The following CCDC6 variants were observed in gnomAD, a reference collection of about 807,000 sequenced individuals.
CCDC6 encodes the protein coiled-coil domain containing 6.
A neutral mutation model predicts 56.6 loss-of-function variants in CCDC6; 20 were observed. That is an observed-to-expected ratio of 0.35 (90% confidence interval 0.25 to 0.51). The LOEUF (loss-of-function observed/expected upper bound fraction) is 0.51, where lower values mean the gene tolerates loss of function less well. Ranked by LOEUF, CCDC6 falls within the 20% of genes least tolerant of loss-of-function variation. The probability of loss-of-function intolerance (pLI) is 0.95; values close to 1 mark genes in which losing one functional copy is unlikely to be tolerated. For missense variants in CCDC6, 367 were observed against 601.1 expected (o/e 0.61, Z 4.07); for synonymous variants, 241 against 234.4 (o/e 1.03, Z -0.26).
At chr10:59,859,823 G>A (rs1416626125) in intron 1 of CCDC6, among the ~76,000 whole-genome samples, 2 of 152,120 alleles carry the variant, frequency 1.3e-5, no homozygotes, top group Non-Finnish European at 2.9e-5. Flanking sequence ...CCACCTCTTT[G>A]GGAGGCTGAG....
chr10:59,830,081 CTACTGATCTAACAAAG>C (rs2070823140), intron 3 of CCDC6, among the ~76,000 whole-genome samples: 1 of 152,198 alleles, frequency 6.6e-6, no homozygotes, highest in Non-Finnish European at 1.5e-5. Flanking sequence ...CCTACACTTA[CTACTGATCTAACAAAG>C]CAGTGGGACA....
intron 1 of CCDC6, among the ~76,000 whole-genome samples, chr10:59,888,410 T>C (rs2071398381): frequency 6.6e-6 from 1 of 152,180 alleles, no homozygotes; most frequent in South Asian, 2.1e-4. Context: ...TGCTTCGTCA[T>C]GGGGGCTGGG....
Position 59,814,762 on chromosome 10 carries a change from G to C in CCDC6, c.583-7C>G. ...CAATCTTCTCCCGTCTCAACTAAAGGAAGGAAAAAAGTGTTACCAAAGTGT... is the reference window on the plus strand; with the variant it reads ...CAATCTTCTCCCGTCTCAACTAAAGCAAGGAAAAAAGTGTTACCAAAGTGT... On this transcript the variant is annotated splice_region_variant and splice_polypyrimidine_tract_variant and intron_variant, in intron 3 of 8. Transcript: ENST00000263102. 6.3e-7 allele frequency: 1 copy of C among 1,586,138 alleles called. No individual in the cohort carries two copies. Among genetic ancestry groups the C allele is most frequent in the Non-Finnish European group, 8.7e-7 (1 of 1,155,552 alleles).
At chr10:59,829,486 A>G (rs2070817251) in intron 3 of CCDC6, among the ~76,000 whole-genome samples, 2 of 152,248 alleles carry the variant, frequency 1.3e-5, no homozygotes, top group African/African-American at 4.8e-5. Context: ...TCATAGCAGC[A>G]TTCTTCATAA....
At chr10:59,873,490 C>T (rs1005095709) in intron 1 of CCDC6, among the ~76,000 whole-genome samples, 2 of 152,230 alleles carry the variant, frequency 1.3e-5, no homozygotes, top group Non-Finnish European at 2.9e-5. Context: ...GGGAGAACAA[C>T]CCTTACCAAC....
At position 59,791,398 on chromosome 10, in the gene CCDC6, C is replaced by T. The variant is rs1564734910; in HGVS notation, c.*1519G>A. 1 of 194,848 alleles carries T rather than the reference C, an allele frequency of 5.1e-6. No individual in the cohort carries two copies. The highest frequency in any genetic ancestry group is 1.1e-5 in the Non-Finnish European group (1 of 93,770). 12.1% of individuals were successfully genotyped at this position (194,848 alleles called of 1,614,324 possible). A position where few individuals can be genotyped will look rare whatever the true frequency, so the allele number is the denominator to read the frequency against. On this transcript the variant is annotated 3_prime_UTR_variant, in exon 9 of 9. Transcript: ENST00000263102. ...TTCTGTTAACTCTTAAATATGCATT[C>T]GAAGGCAAAAATGGAGGTTTCTATA...
At chr10:59,810,054 G>C (rs779898327) in intron 5 of CCDC6, among the ~76,000 whole-genome samples, 1 of 152,180 alleles carries the variant, frequency 6.6e-6, no homozygotes, top group African/African-American at 2.4e-5. Context: ...AGAATTCCAA[G>C]GATGAGTCCT....
intron 1 of CCDC6, among the ~76,000 whole-genome samples, chr10:59,873,439 G>C (rs1411869716): frequency 6.6e-6 from 1 of 152,156 alleles, no homozygotes; most frequent in East Asian, 1.9e-4. Flanking sequence ...CTAGAAACTA[G>C]AAGAATCACA....
intron 1 of CCDC6, among the ~76,000 whole-genome samples, chr10:59,874,136 C>CACACAT: frequency 6.6e-6 from 1 of 151,926 alleles, no homozygotes; most frequent in East Asian, 1.9e-4. Context: ...CACACACACA[C>CACACAT]ACACACACGC....
At chr10:59,793,543 G>A (rs903636377) in intron 8 of CCDC6, among the ~76,000 whole-genome samples, 4 of 152,218 alleles carry the variant, frequency 2.6e-5, no homozygotes, top group African/African-American at 9.6e-5. Context: ...TAGCACTTTA[G>A]GAGGTAGAGG....
chr10:59,804,647 T>C (rs1008424233), intron 6 of CCDC6, 127 bp from the exon 7 acceptor site: 1 of 654,450 alleles, frequency 1.5e-6, no homozygotes, highest in Non-Finnish European at 2.8e-6. Context: ...AGTGATGTTA[T>C]AGTTAAAAGG....
chr10:59,809,127 A>C (rs142019340), intron 5 of CCDC6, among the ~76,000 whole-genome samples: 6 of 152,352 alleles, frequency 3.9e-5, no homozygotes, highest in African/African-American at 1.4e-4. Flanking sequence ...CTCTACAGGA[A>C]ACAAAAGATT....
chr10:59,801,682 C>T (rs2070577337), intron 7 of CCDC6, among the ~76,000 whole-genome samples: 1 of 151,982 alleles, frequency 6.6e-6, no homozygotes, highest in Admixed American at 6.6e-5. Flanking sequence ...GTGTCTTCTC[C>T]CTTGTTTATT....
intron 2 of CCDC6, among the ~76,000 whole-genome samples, chr10:59,851,301 A>G (rs1267970652): frequency 2.0e-5 from 3 of 152,186 alleles, no homozygotes; most frequent in South Asian, 4.1e-4. Context: ...AAAAGGTCAA[A>G]CTAATCTTCT....
At chr10:59,904,633 G>A (rs1446119528) in intron 1 of CCDC6, among the ~76,000 whole-genome samples, 3 of 152,224 alleles carry the variant, frequency 2.0e-5, no homozygotes, top group African/African-American at 4.8e-5. Flanking sequence ...GGCTGCCTCT[G>A]CAAATTCCCC....
chr10:59,839,474 G>A (rs1564745794), intron 2 of CCDC6, among the ~76,000 whole-genome samples: 1 of 152,182 alleles, frequency 6.6e-6, no homozygotes, highest in Non-Finnish European at 1.5e-5. Flanking sequence ...ACGGTTGGGG[G>A]TGGGGTGGAT....
At chr10:59,826,958 C>A (rs1237824531) in intron 3 of CCDC6, among the ~76,000 whole-genome samples, 1 of 152,214 alleles carries the variant, frequency 6.6e-6, no homozygotes, top group African/African-American at 2.4e-5. Context: ...AACCTTGTCT[C>A]GGCCCTCCTT....
intron 2 of CCDC6, among the ~76,000 whole-genome samples, chr10:59,848,996 G>A (rs569924084): frequency 1.5e-4 from 23 of 152,358 alleles, no homozygotes; most frequent in African/African-American, 4.1e-4. Context: ...GATTACAGGC[G>A]TGAGCCACCA....
At chr10:59,858,219 C>T (rs574400567) in intron 1 of CCDC6, among the ~76,000 whole-genome samples, 2 of 152,320 alleles carry the variant, frequency 1.3e-5, no homozygotes, top group Non-Finnish European at 2.9e-5. Flanking sequence ...ATTTCAGTCA[C>T]ATGCCTGAGA....
Sources: gnomAD v4.1 joint callset for allele counts (sites outside exome capture counted in the v4.1 genomes callset) on GRCh38, gnomAD v4.1.1 for gene constraint, MANE v1.5 for transcripts, NCBI Gene and HGNC (gene_info 2026-07-23, HGNC 2026-07-21) for gene names.